Variants in ASIC2 observed in about 807,000 individuals in gnomAD.
ASIC2 encodes the protein acid-sensing ion channel 2.
In ASIC2, 25 loss-of-function variants were observed where a neutral mutation model predicts 57.3. The observed-to-expected ratio is 0.44, with a 90% confidence interval of 0.32 to 0.61. The LOEUF (loss-of-function observed/expected upper bound fraction) is 0.61, where lower values mean the gene tolerates loss of function less well. Ranked by LOEUF, ASIC2 falls within the 20% of genes least tolerant of loss-of-function variation. The pLI is 0.06. For missense variants in ASIC2, 641 were observed against 738.1 expected, an observed-to-expected ratio of 0.87 and a Z score of 1.52; for synonymous variants, 319 against 307.5, an observed-to-expected ratio of 1.04 and a Z score of -0.39.
chr17:33,500,948 G>A (rs894461216), intron 1 of ASIC2, among the ~76,000 whole-genome samples: 4 of 152,172 alleles, frequency 2.6e-5, no homozygotes, highest in Non-Finnish European at 4.4e-5. Flanking sequence ...ATATTACCAC[G>A]TCTACACTAA....
At chr17:33,218,469 T>C (rs1907578604) in intron 1 of ASIC2, among the ~76,000 whole-genome samples, 1 of 152,172 alleles carries the variant, frequency 6.6e-6, no homozygotes, top group Non-Finnish European at 1.5e-5. Context: ...AAGTCTCCGC[T>C]TCACCTTCCC....
At chr17:33,819,505 T>A (rs1912685580) in intron 1 of ASIC2, among the ~76,000 whole-genome samples, 1 of 152,200 alleles carries the variant, frequency 6.6e-6, no homozygotes, top group African/African-American at 2.4e-5. Flanking sequence ...ACTTCATGAA[T>A]CTGGATGTGG....
chr17:33,888,001 A>C (rs551322894), intron 1 of ASIC2, among the ~76,000 whole-genome samples: 6 of 152,250 alleles, frequency 3.9e-5, no homozygotes, highest in Admixed American at 2.0e-4. Flanking sequence ...CTTTGTCACC[A>C]TTGTAAAGTG....
At chr17:33,513,852 G>T (rs1478153695) in intron 1 of ASIC2, among the ~76,000 whole-genome samples, 1 of 152,226 alleles carries the variant, frequency 6.6e-6, no homozygotes, top group African/African-American at 2.4e-5. Context: ...ATCTGCTCAG[G>T]GCTGTTTGGA....
chr17:33,523,325 G>A (rs890076337), intron 1 of ASIC2, among the ~76,000 whole-genome samples: 1 of 152,076 alleles, frequency 6.6e-6, no homozygotes, highest in African/African-American at 2.4e-5. Flanking sequence ...GACACCATCT[G>A]GGCTCACTGC....
At chr17:34,121,076 A>C (rs1481662355) in intron 1 of ASIC2, among the ~76,000 whole-genome samples, 2 of 152,136 alleles carry the variant, frequency 1.3e-5, no homozygotes, top group African/African-American at 4.8e-5. Flanking sequence ...AGAAATATAC[A>C]GGGAGAAACA....
chr17:33,730,522 GAT>G (rs1909710162), intron 1 of ASIC2, among the ~76,000 whole-genome samples: 1 of 152,220 alleles, frequency 6.6e-6, no homozygotes, highest in African/African-American at 2.4e-5. Flanking sequence ...TTCAGGAATA[GAT>G]ATGAGTGATC....
chr17:33,970,135 G>T (rs1905186633), intron 1 of ASIC2, among the ~76,000 whole-genome samples: 1 of 152,150 alleles, frequency 6.6e-6, no homozygotes, highest in South Asian at 2.1e-4. Flanking sequence ...GAGCTGCTCT[G>T]TGGATTGTAG....
chr17:33,916,509 C>T (rs963672738), intron 1 of ASIC2, among the ~76,000 whole-genome samples: 12 of 152,194 alleles, frequency 7.9e-5, no homozygotes, highest in African/African-American at 2.9e-4. Context: ...TTCAATTTAA[C>T]TCAGTCTTTT....
At chr17:33,175,046 A>C (rs184032841) in intron 1 of ASIC2, among the ~76,000 whole-genome samples, 1 of 152,326 alleles carries the variant, frequency 6.6e-6, no homozygotes, top group Non-Finnish European at 1.5e-5. Flanking sequence ...AAGATGCTAT[A>C]AATTGAAAAG....
At chr17:33,564,022 G>A (rs997400475) in intron 1 of ASIC2, among the ~76,000 whole-genome samples, 9 of 152,200 alleles carry the variant, frequency 5.9e-5, no homozygotes, top group African/African-American at 7.2e-5. Flanking sequence ...TCCTGACACT[G>A]GAACCAGGAG....
chr17:33,047,348 GT>G (rs1379025639), intron 3 of ASIC2, among the ~76,000 whole-genome samples: 2 of 150,352 alleles, frequency 1.3e-5, no homozygotes, highest in African/African-American at 4.9e-5. Context: ...CCCACTTTTT[GT>G]TTTTTTTTAG....
intron 1 of ASIC2, among the ~76,000 whole-genome samples, chr17:33,746,593 C>T (rs78720716): frequency 1.3e-5 from 2 of 151,552 alleles, no homozygotes; most frequent in Non-Finnish European, 2.9e-5. Context: ...AATCTGACCA[C>T]ATTGAAGGGA....
intron 1 of ASIC2, among the ~76,000 whole-genome samples, chr17:33,372,659 C>G (rs938625735): frequency 6.6e-6 from 1 of 152,178 alleles, no homozygotes; most frequent in African/African-American, 2.4e-5. Context: ...GCCTCTCATG[C>G]TCTCTTCCTG....
chr17:33,578,473 A>T (rs559760500), intron 1 of ASIC2, among the ~76,000 whole-genome samples: 10 of 152,368 alleles, frequency 6.6e-5, no homozygotes, highest in African/African-American at 2.2e-4. Context: ...AAGACTGAAC[A>T]AAGTAAAATG....
chr17:33,948,804 C>T (rs905278515), intron 1 of ASIC2, among the ~76,000 whole-genome samples: 1 of 152,176 alleles, frequency 6.6e-6, no homozygotes, highest in African/African-American at 2.4e-5. Flanking sequence ...ACAGTGGACA[C>T]TGCATGAAGA....
chr17:33,975,341 G>A (rs1217848802), intron 1 of ASIC2, among the ~76,000 whole-genome samples: 1 of 152,018 alleles, frequency 6.6e-6, no homozygotes, highest in Non-Finnish European at 1.5e-5. Context: ...CCTCTTCCAG[G>A]GGAAGATGGC....
chr17:33,812,558 G>C (rs775257951), intron 1 of ASIC2, among the ~76,000 whole-genome samples: 2 of 152,096 alleles, frequency 1.3e-5, no homozygotes, highest in Non-Finnish European at 2.9e-5. Context: ...CGCCCATATT[G>C]CTCCAGCCCA....
intron 1 of ASIC2, among the ~76,000 whole-genome samples, chr17:33,270,770 G>A (rs1275080466): frequency 2.0e-5 from 3 of 152,214 alleles, no homozygotes; most frequent in Non-Finnish European, 2.9e-5. Context: ...GAGCCCTTCT[G>A]TAGTGTGTCT....
Sources: gnomAD v4.1 joint callset for allele counts (sites outside exome capture counted in the v4.1 genomes callset) on GRCh38, gnomAD v4.1.1 for gene constraint, MANE v1.5 for transcripts, NCBI Gene and HGNC (gene_info 2026-07-23, HGNC 2026-07-21) for gene names.